The following PLD5 variants were observed in gnomAD, a reference collection of about 807,000 sequenced individuals.
PLD5 encodes the protein phospholipase D family member 5.
A neutral mutation model predicts 61.1 loss-of-function variants in PLD5; 36 were observed. The observed-to-expected ratio is 0.59, with a 90% CI of 0.45 to 0.78. PLD5 has a LOEUF of 0.78. Among genes scored for constraint, PLD5 ranks in the 30% least tolerant of loss-of-function variants. The pLI is 0.00. For synonymous variants in PLD5, 243 were observed against 242.8 expected, an observed-to-expected ratio of 1.00 and a Z score of -0.01; for missense variants, 515 against 644.4, an observed-to-expected ratio of 0.80 and a Z score of 2.17.
chr1:242,521,555 T>A (rs943873132), intron 1 of PLD5, among the ~76,000 whole-genome samples: 14 of 114,264 alleles, frequency 1.2e-4, no homozygotes, highest in African/African-American at 4.6e-4. Context: ...AATACTTAGA[T>A]TGGCTTTTAA....
chr1:242,240,105 G>T (rs1302077956), intron 4 of PLD5, among the ~76,000 whole-genome samples: 3 of 152,208 alleles, frequency 2.0e-5, no homozygotes. Context: ...TGGCTGTCAA[G>T]ACTTTATTTT....
chr1:242,181,606 A>G (rs565655922), intron 5 of PLD5, among the ~76,000 whole-genome samples: 3 of 152,194 alleles, frequency 2.0e-5, no homozygotes, highest in East Asian at 1.9e-4. Context: ...AGCAGCTCCA[A>G]TGAAGGGCTT....
intron 2 of PLD5, among the ~76,000 whole-genome samples, chr1:242,299,303 T>G (rs1342670944): frequency 1.3e-5 from 2 of 152,162 alleles, no homozygotes; most frequent in Non-Finnish European, 2.9e-5. Context: ...ACTCTTTAAG[T>G]AATTATAAAA....
chr1:242,309,617 G>A (rs746545086), intron 2 of PLD5, among the ~76,000 whole-genome samples: 11 of 151,316 alleles, frequency 7.3e-5, no homozygotes, highest in Non-Finnish European at 8.8e-5. Flanking sequence ...CAGGTGATCC[G>A]CCCACCTCGG....
At chr1:242,194,622 C>CTATG (rs59782644) in intron 5 of PLD5, among the ~76,000 whole-genome samples, 3,211 of 86,550 alleles carry the variant, frequency 0.037, 62 homozygotes, top group African/African-American at 0.041. Context: ...ATCTATGTAT[C>CTATG]TATCTATCTA....
intron 4 of PLD5, among the ~76,000 whole-genome samples, chr1:242,252,894 G>C (rs1253356213): frequency 7.1e-6 from 1 of 141,258 alleles, no homozygotes; most frequent in Non-Finnish European, 1.5e-5. Context: ...TCAGCTCACT[G>C]CAACTTCCGC....
At chr1:242,473,659 T>C (rs1190720882) in intron 1 of PLD5, among the ~76,000 whole-genome samples, 1 of 152,218 alleles carries the variant, frequency 6.6e-6, no homozygotes, top group Non-Finnish European at 1.5e-5. Context: ...CGAAGGACTG[T>C]TACTAAAAGC....
At chr1:242,319,707 C>G (rs185659700) in intron 2 of PLD5, among the ~76,000 whole-genome samples, 7 of 152,278 alleles carry the variant, frequency 4.6e-5, no homozygotes, top group Admixed American at 3.3e-4. Context: ...AAGGACAGAA[C>G]TGAAAAGTCA....
At chr1:242,358,677 T>G (rs1250533182) in intron 1 of PLD5, among the ~76,000 whole-genome samples, 4 of 152,060 alleles carry the variant, frequency 2.6e-5, no homozygotes, top group East Asian at 1.9e-4. Flanking sequence ...ACTCATCAGT[T>G]GGACAAAGTT....
chr1:242,098,366 G>C (rs999081396), intron 9 of PLD5, among the ~76,000 whole-genome samples: 1 of 152,100 alleles, frequency 6.6e-6, no homozygotes, highest in Non-Finnish European at 1.5e-5. Context: ...ACTGAGGCTT[G>C]TGCATTCGTC....
intron 1 of PLD5, among the ~76,000 whole-genome samples, chr1:242,364,939 A>G (rs1571983411): frequency 6.6e-6 from 1 of 150,778 alleles, no homozygotes; most frequent in East Asian, 2.0e-4. Flanking sequence ...GAAGATGTCG[A>G]TAAAAATGGA....
chr1:242,261,706 T>C (rs1673382640), intron 4 of PLD5, among the ~76,000 whole-genome samples: 1 of 152,296 alleles, frequency 6.6e-6, no homozygotes, highest in Non-Finnish European at 1.5e-5. Flanking sequence ...TCCAAGAGAA[T>C]ATGGAAATGG....
chr1:242,393,274 GTATA>G lies in PLD5; in HGVS notation c.190-45036_190-45033del, dbSNP rs1215924219. On this transcript the variant is annotated intron_variant, in intron 1 of 9. Transcript: ENST00000536534. ...AGTATATATATGTGTATATATATGA[GTATA>G]TATATGTGTATATATATGAGTATAT... 3.5e-5 allele frequency among the ~76,000 whole-genome samples: 2 copies of G among 57,476 alleles called. 1 individual carries two copies. Among genetic ancestry groups the G allele is most frequent in the Non-Finnish European group, 6.2e-5 (2 of 32,340 alleles). The allele number at this position is 57,476 out of a possible 152,430, so 37.7% of individuals were successfully genotyped here. A position where few individuals can be genotyped will look rare whatever the true frequency, so the allele number is the denominator to read the frequency against.
At chr1:242,438,437 TTC>T (rs1666111066) in intron 1 of PLD5, among the ~76,000 whole-genome samples, 1 of 143,456 alleles carries the variant, frequency 7.0e-6, no homozygotes, top group Non-Finnish European at 1.5e-5. Flanking sequence ...CTAATTTTTT[TTC>T]TTTTTTTTTT....
chr1:242,406,341 A>G (rs137985745), intron 1 of PLD5, among the ~76,000 whole-genome samples: 42 of 152,342 alleles, frequency 2.8e-4, no homozygotes, highest in East Asian at 1.9e-3. Context: ...GGTTGCTTCC[A>G]TGTCTCCACT....
At chr1:242,163,147 C>CTTTTT (rs147011306) in intron 5 of PLD5, among the ~76,000 whole-genome samples, 37,946 of 141,232 alleles carry the variant, frequency 0.27, 5,551 homozygotes, top group Non-Finnish European at 0.32. Flanking sequence ...CTTTTCTTTT[C>CTTTTT]TTTCTTTTCT....
intron 3 of PLD5, among the ~76,000 whole-genome samples, chr1:242,267,613 C>T (rs922655771): frequency 4.6e-5 from 7 of 151,828 alleles, no homozygotes; most frequent in African/African-American, 1.7e-4. Flanking sequence ...AGAGGCCGAG[C>T]TTATCCTTGT....
intron 2 of PLD5, among the ~76,000 whole-genome samples, chr1:242,331,918 G>A (rs747396702): frequency 3.3e-5 from 5 of 152,072 alleles, no homozygotes; most frequent in Non-Finnish European, 5.9e-5. Flanking sequence ...TCATGTCCTG[G>A]GATACATGTG....
chr1:242,279,567 C>A (rs1037567307), intron 3 of PLD5, among the ~76,000 whole-genome samples: 3 of 151,800 alleles, frequency 2.0e-5, no homozygotes, highest in African/African-American at 7.3e-5. Flanking sequence ...CCGAGTCTTG[C>A]TGTGTCACCA....
Sources: allele counts gnomAD v4.1 joint callset (sites outside exome capture counted in the v4.1 genomes callset), GRCh38; gene constraint gnomAD v4.1.1; transcripts MANE v1.5; gene names NCBI Gene and HGNC (gene_info 2026-07-23, HGNC 2026-07-21).